The following WDR25 variants were observed in gnomAD, a reference collection of about 807,000 sequenced individuals.
WDR25 encodes WD repeat-containing protein 25.
A neutral mutation model predicts 47.7 loss-of-function variants in WDR25; 35 were observed. The observed-to-expected ratio is 0.73, with a 90% CI of 0.56 to 0.97. WDR25 has a LOEUF of 0.97. WDR25 is among the 50% of genes least tolerant of loss of function. The pLI is 0.00. For synonymous variants in WDR25, 248 were observed against 278.9 expected (o/e 0.89, Z 1.10); for missense variants, 634 against 704.7 (o/e 0.90, Z 1.14).
chr14:100,409,292 T>C (rs1897636845), intron 2 of WDR25, among the ~76,000 whole-genome samples: 1 of 152,204 alleles, frequency 6.6e-6, no homozygotes, highest in Admixed American at 6.5e-5. Context: ...CGCAAGGTGA[T>C]GTGGTAGCTT....
In WDR25 at chr14:100,525,030, G is replaced by C. The variant is rs10132528; in HGVS notation, c.1102-840G>C. ...TTTATGCTGCAGCCACATGGTGGCGGCCCAGGAACTGGTAAAGGGACCGGC... is the reference window on the plus strand; with the variant it reads ...TTTATGCTGCAGCCACATGGTGGCGCCCCAGGAACTGGTAAAGGGACCGGC... On this transcript the variant is annotated intron_variant, in intron 4 of 6. Coordinates refer to ENST00000402312, the MANE Select transcript of WDR25 (RefSeq NM_001161476.3). The surrounding 1 kb of genome is among the most constrained non-coding windows in gnomAD (Gnocchi z 4.6). Among the ~76,000 whole-genome samples, 85,315 of 152,182 alleles carry C rather than the reference G, an allele frequency of 0.56. 27,628 individuals are homozygous for C. The highest frequency in any genetic ancestry group is 0.89 in the African/African-American group (36,914 of 41,550).
In WDR25 at chr14:100,430,932, G is replaced by A. The variant is rs976302411; in HGVS notation, c.823-37089G>A. The stretch of plus-strand genomic sequence containing the variant: ...TGGCCTCAGCCTGCAGGAATAAATC[G>A]CTGGTGAAGGGCTTCCTTCTGGCCT... On this transcript the variant is annotated intron_variant, in intron 2 of 6. Transcript: ENST00000402312. This position sits in a 1 kb window ranked among gnomAD's most constrained non-coding sequence, Gnocchi z 4.7. Among the ~76,000 whole-genome samples the A allele has an allele frequency of 1.2e-4, 18 of 152,168 alleles. No individual in the cohort carries two copies. Among genetic ancestry groups the A allele is most frequent in the Non-Finnish European group, 1.8e-4 (12 of 68,038 alleles).
intron 2 of WDR25, among the ~76,000 whole-genome samples, chr14:100,421,299 A>G (rs1332831548): frequency 6.6e-6 from 1 of 152,194 alleles, no homozygotes; most frequent in Non-Finnish European, 1.5e-5. Flanking sequence ...AGGGGACAGA[A>G]TCTTCCTGGG....
intron 3 of WDR25, among the ~76,000 whole-genome samples, chr14:100,482,409 A>C (rs965284824): frequency 6.6e-6 from 1 of 152,228 alleles, no homozygotes; most frequent in South Asian, 2.1e-4. Context: ...TCCTTGCATC[A>C]TCCTTTAAAG....
At chr14:100,497,966 C>G (rs1339087470) in intron 4 of WDR25, among the ~76,000 whole-genome samples, 3 of 152,236 alleles carry the variant, frequency 2.0e-5, no homozygotes, top group African/African-American at 7.2e-5. Context: ...TGTGTGTGTG[C>G]TGGCATCTGG....
intron 4 of WDR25, among the ~76,000 whole-genome samples, chr14:100,510,131 G>A (rs955851354): frequency 4.6e-5 from 7 of 151,852 alleles, no homozygotes; most frequent in East Asian, 1.9e-4. Flanking sequence ...ATAGCTGGGC[G>A]TGGTGGCGTG....
chr14:100,472,661 C>T (rs1204278356), intron 3 of WDR25, among the ~76,000 whole-genome samples: 4 of 152,264 alleles, frequency 2.6e-5, no homozygotes, highest in African/African-American at 9.6e-5. Flanking sequence ...AGTGAGCTTA[C>T]AGATGTGCTG....
At chr14:100,389,982 C>T (rs1272289956) in intron 2 of WDR25, among the ~76,000 whole-genome samples, 2 of 152,084 alleles carry the variant, frequency 1.3e-5, no homozygotes, top group African/African-American at 4.8e-5. Flanking sequence ...CTCGGTTTCT[C>T]CTCTTTATTT....
chr14:100,439,137 C>T (rs892168741), intron 2 of WDR25, among the ~76,000 whole-genome samples: 2 of 152,240 alleles, frequency 1.3e-5, no homozygotes, highest in East Asian at 3.8e-4. Flanking sequence ...TTCTGACCCT[C>T]CCTGCACCCA....
intron 2 of WDR25, among the ~76,000 whole-genome samples, chr14:100,390,730 C>T (rs1227544252): frequency 6.6e-6 from 1 of 152,106 alleles, no homozygotes; most frequent in Non-Finnish European, 1.5e-5. Context: ...CTTTTCCCAC[C>T]AGTGTGCAGA....
At position 100,468,684 on chromosome 14, in the gene WDR25, C is replaced by T. The variant is rs144137005; in HGVS notation, c.970+516C>T. 0.011 allele frequency among the ~76,000 whole-genome samples: 1,619 copies of T among 152,146 alleles called. 21 individuals carry two copies. Among genetic ancestry groups the T allele is most frequent in the Non-Finnish European group, 0.014 (937 of 67,992 alleles). Reference sequence around the variant, plus strand: ...CTGAGAGGGCTCTTGACAAGCAGGGCGAGAAGGAGAGAGAAGTCAGTGGAA... The same window carrying T: ...CTGAGAGGGCTCTTGACAAGCAGGGTGAGAAGGAGAGAGAAGTCAGTGGAA... On this transcript the variant is annotated intron_variant, in intron 3 of 6. Coordinates refer to ENST00000402312, the MANE Select transcript of WDR25 (RefSeq NM_001161476.3). This position sits in a 1 kb window ranked among gnomAD's most constrained non-coding sequence, Gnocchi z 4.5.
At chr14:100,395,681 A>G (rs1045064407) in intron 2 of WDR25, among the ~76,000 whole-genome samples, 1 of 152,150 alleles carries the variant, frequency 6.6e-6, no homozygotes, top group Non-Finnish European at 1.5e-5. Flanking sequence ...GCTCTGATAT[A>G]AGTTCCATGA....
intron 2 of WDR25, among the ~76,000 whole-genome samples, chr14:100,466,609 T>C (rs1054436430): frequency 6.6e-6 from 1 of 152,222 alleles, no homozygotes; most frequent in Non-Finnish European, 1.5e-5. Flanking sequence ...GCGCTCTTCT[T>C]ATTCCCACTT....
At chr14:100,460,643 A>G (rs1262522298) in intron 2 of WDR25, among the ~76,000 whole-genome samples, 1 of 152,026 alleles carries the variant, frequency 6.6e-6, no homozygotes, top group African/African-American at 2.4e-5. Context: ...AACATTCATT[A>G]GTGATTAAAA....
At chr14:100,414,603 G>A (rs1471741855) in intron 2 of WDR25, among the ~76,000 whole-genome samples, 10 of 152,112 alleles carry the variant, frequency 6.6e-5, no homozygotes, top group African/African-American at 2.4e-4. Flanking sequence ...ATGAGCCACC[G>A]CACCCGGCCG....
rs2140219231 is a variant in WDR25 at position 100,424,649 on chromosome 14, C to T, written c.822+42903C>T. Among the ~76,000 whole-genome samples the T allele has an allele frequency of 6.6e-6, 1 of 152,258 alleles. No individual in the cohort carries two copies. Among genetic ancestry groups the T allele is most frequent in the African/African-American group, 2.4e-5 (1 of 41,552 alleles). On this transcript the variant is annotated intron_variant, in intron 2 of 6. Coordinates refer to ENST00000402312, the MANE Select transcript of WDR25 (RefSeq NM_001161476.3). This position sits in a 1 kb window ranked among gnomAD's most constrained non-coding sequence, Gnocchi z 4.2. ...ATGTCTTGGGCCTGGGGATGTAGAG[C>T]CCAGGTTCTGGGACCAGCCCTTCCT...
chr14:100,525,734 G>A lies in WDR25; in HGVS notation c.1102-136G>A. ...ATGATTCCATATATGGCTTGTGGGT[G>A]CTGCTCAGCCTGGGTGTGTGTGGCC... On this transcript the variant is annotated intron_variant, in intron 4 of 6. Transcript: ENST00000402312. The surrounding 1 kb of genome is among the most constrained non-coding windows in gnomAD (Gnocchi z 4.6). 1 of 979,956 alleles carries A rather than the reference G, an allele frequency of 1.0e-6. No homozygotes were observed. The highest frequency in any genetic ancestry group is 1.5e-6 in the Non-Finnish European group (1 of 680,040). 60.7% of individuals were successfully genotyped at this position (979,956 alleles called of 1,614,324 possible).
chr14:100,409,635 G>C (rs1897649053), intron 2 of WDR25, among the ~76,000 whole-genome samples: 1 of 152,200 alleles, frequency 6.6e-6, no homozygotes, highest in African/African-American at 2.4e-5. Context: ...TCCTGACACT[G>C]ATGTATTAGA....
rs75321200 is a variant in WDR25 at position 100,428,702 on chromosome 14, C to A, written c.823-39319C>A. 2.6e-3 allele frequency among the ~76,000 whole-genome samples: 398 copies of A among 152,328 alleles called. 1 individual carries two copies. The highest frequency in any genetic ancestry group is 8.8e-3 in the African/African-American group (365 of 41,574). On this transcript the variant is annotated intron_variant, in intron 2 of 6. Coordinates refer to ENST00000402312, the MANE Select transcript of WDR25 (RefSeq NM_001161476.3). The surrounding 1 kb of genome is among the most constrained non-coding windows in gnomAD (Gnocchi z 4.3). ...GCCCCTGTGAGGAGCCATTTCACTT[C>A]TTTCTTCAAGTGGATGTATTTTTGA...
Sources: allele counts gnomAD v4.1 joint callset (sites outside exome capture counted in the v4.1 genomes callset), GRCh38; gene constraint gnomAD v4.1.1; non-coding constraint Gnocchi (gnomAD v3.1); transcripts MANE v1.5; gene names NCBI Gene and HGNC (gene_info 2026-07-23, HGNC 2026-07-21).